NTRK2: variants seen among roughly 807,000 people sequenced by gnomAD.
The protein encoded by NTRK2 is neurotrophic receptor tyrosine kinase 2, also known as BDNF/NT-3 growth factors receptor.
In NTRK2, 13 loss-of-function variants were observed where a neutral mutation model predicts 94.5. The observed-to-expected ratio is 0.14, with a 90% CI of 0.09 to 0.22. The LOEUF (loss-of-function observed/expected upper bound fraction) is 0.22. NTRK2 is among the 10% of genes least tolerant of loss of function. The probability of loss-of-function intolerance (pLI) is 1.00; values close to 1 mark genes in which losing one functional copy is unlikely to be tolerated. For synonymous variants in NTRK2, 372 were observed against 407.4 expected (o/e 0.91, Z 1.05); for missense variants, 639 against 1,071.2 (o/e 0.60, Z 5.63).
intron 12 of NTRK2, chr9:84,812,247 A>G (rs2071889203): frequency 2.8e-6 from 3 of 1,056,530 alleles, no homozygotes; most frequent in African/African-American, 1.6e-5. Flanking sequence ...AATATTTTAT[A>G]CTGCATCCTT....
chr9:85,005,419 C>T (rs1459567927), intron 17 of NTRK2, among the ~76,000 whole-genome samples: 2 of 152,170 alleles, frequency 1.3e-5, no homozygotes, highest in Non-Finnish European at 2.9e-5. Flanking sequence ...CTTCGTTTCC[C>T]TACTTAGTAA....
rs533943099 is a variant in NTRK2 at position 84,786,870 on chromosome 9, T to C, written c.1396+34785T>C. 3.9e-5 allele frequency among the ~76,000 whole-genome samples: 6 copies of C among 152,144 alleles called. No individual in the cohort carries two copies. In the South Asian group the frequency reaches 8.3e-4, roughly 21 times the overall value. On this transcript the variant is annotated intron_variant, in intron 12 of 18. Coordinates refer to ENST00000277120, the MANE Select transcript of NTRK2 (RefSeq NM_006180.6). ...GTGATCCTGAAAAATATGTCGAAAATCCACTCTCGATTTTCATCTTTTTAA... is the reference window on the plus strand; with the variant it reads ...GTGATCCTGAAAAATATGTCGAAAACCCACTCTCGATTTTCATCTTTTTAA...
intron 9 of NTRK2, among the ~76,000 whole-genome samples, chr9:84,731,047 G>C (rs776491370): frequency 6.6e-6 from 1 of 152,134 alleles, no homozygotes; most frequent in Non-Finnish European, 1.5e-5. Context: ...AGGCAGCCTG[G>C]GCTCACTGTG....
intron 17 of NTRK2, among the ~76,000 whole-genome samples, chr9:85,013,089 T>C (rs938144277): frequency 1.1e-4 from 17 of 152,142 alleles, no homozygotes; most frequent in African/African-American, 3.9e-4. Context: ...GTTCCAGCAC[T>C]CCTCCTTACC....
At chr9:84,993,391 C>A (rs1416282506) in intron 17 of NTRK2, among the ~76,000 whole-genome samples, 2 of 152,204 alleles carry the variant, frequency 1.3e-5, no homozygotes, top group Non-Finnish European at 2.9e-5. Flanking sequence ...CACCAGCATG[C>A]CCTAGCCTAC....
At chr9:85,020,180 C>T (rs2117923325) in intron 17 of NTRK2, 26 bp from the exon 18 acceptor site, 7 of 1,613,702 alleles carry the variant, frequency 4.3e-6, no homozygotes, top group Non-Finnish European at 5.1e-6. Context: ...TGACTGATGC[C>T]TCCCTGTTGA....
intron 14 of NTRK2, among the ~76,000 whole-genome samples, chr9:84,920,895 T>A (rs2077544851): frequency 6.6e-6 from 1 of 152,234 alleles, no homozygotes; most frequent in Non-Finnish European, 1.5e-5. Context: ...AATTCCAGTA[T>A]AATTTAACAT....
At chr9:84,679,442 C>A (rs2059263327) in intron 2 of NTRK2, among the ~76,000 whole-genome samples, 1 of 152,138 alleles carries the variant, frequency 6.6e-6, no homozygotes, top group African/African-American at 2.4e-5. Context: ...TCAACTGAAC[C>A]TGGCTTGGTA....
intron 12 of NTRK2, chr9:84,812,987 C>T (rs1381681593): frequency 1.9e-6 from 2 of 1,034,918 alleles, no homozygotes; most frequent in African/African-American, 3.4e-5. Flanking sequence ...TGATCAGTAA[C>T]ATAGCTTCTC....
chr9:84,892,809 C>A (rs2076635180), intron 14 of NTRK2, among the ~76,000 whole-genome samples: 1 of 152,044 alleles, frequency 6.6e-6, no homozygotes, highest in African/African-American at 2.4e-5. Context: ...GTAATCCCAG[C>A]TACTCGGGAG....
At chr9:84,972,298 T>G (rs1297115266) in intron 17 of NTRK2, among the ~76,000 whole-genome samples, 2 of 152,200 alleles carry the variant, frequency 1.3e-5, no homozygotes, top group Non-Finnish European at 2.9e-5. Context: ...AGAGCTGTGA[T>G]GTATCAGGGC....
At chr9:84,920,818 T>C (rs1482474552) in intron 14 of NTRK2, among the ~76,000 whole-genome samples, 4 of 152,206 alleles carry the variant, frequency 2.6e-5, no homozygotes, top group African/African-American at 9.6e-5. Flanking sequence ...GCTGGAAGCA[T>C]TAGAATCTTT....
chr9:84,791,193 G>A (rs958384494), intron 12 of NTRK2, among the ~76,000 whole-genome samples: 1 of 152,126 alleles, frequency 6.6e-6, no homozygotes, highest in Non-Finnish European at 1.5e-5. Context: ...AGACATGAAA[G>A]GGGGCCTGTC....
At chr9:85,003,373 A>G (rs897375682) in intron 17 of NTRK2, among the ~76,000 whole-genome samples, 6 of 152,192 alleles carry the variant, frequency 3.9e-5, no homozygotes, top group African/African-American at 1.4e-4. Flanking sequence ...AGCAAACAAG[A>G]CCATGAAAGC....
At chr9:84,957,430 C>T (rs897164232) in intron 17 of NTRK2, among the ~76,000 whole-genome samples, 6 of 152,194 alleles carry the variant, frequency 3.9e-5, no homozygotes, top group South Asian at 2.1e-4. Context: ...TCACTCAATT[C>T]GAAAGTAGGA....
At chr9:84,955,156 T>G (rs1235386881) in intron 16 of NTRK2, 127 bp from the exon 17 acceptor site, 3 of 773,114 alleles carry the variant, frequency 3.9e-6, no homozygotes, top group African/African-American at 3.4e-5. Context: ...GGCAGCATCT[T>G]TTAGCACCAG....
intron 14 of NTRK2, among the ~76,000 whole-genome samples, chr9:84,905,617 T>C (rs980626031): frequency 6.6e-6 from 1 of 152,212 alleles, no homozygotes; most frequent in Non-Finnish European, 1.5e-5. Flanking sequence ...GTATACTGGC[T>C]AATGTCTACT....
intron 15 of NTRK2, among the ~76,000 whole-genome samples, chr9:84,934,630 C>T (rs2078152559): frequency 6.6e-6 from 1 of 152,050 alleles, no homozygotes. Context: ...ACATGTGTCT[C>T]CTCAAATTGT....
In NTRK2 at chr9:85,026,851, A is replaced by C; in HGVS notation, c.*5414A>C. 4.3e-6 allele frequency: 1 copy of C among 232,798 alleles called. No homozygotes were observed. Among genetic ancestry groups the C allele is most frequent in the East Asian group, 6.1e-5 (1 of 16,484 alleles). The allele number at this position is 232,798 out of a possible 1,614,324, so 14.4% of individuals were successfully genotyped here. A position where few individuals can be genotyped will look rare whatever the true frequency, so the allele number is the denominator to read the frequency against. On this transcript the variant is annotated 3_prime_UTR_variant, in exon 19 of 19. Coordinates refer to ENST00000277120, the MANE Select transcript of NTRK2 (RefSeq NM_006180.6). ...TAATACTTACCAGTTCTTGTTTTGC[A>C]ATCTGTTTTGAGGTCCATTGCTTTA...
Sources: allele counts gnomAD v4.1 joint callset (sites outside exome capture counted in the v4.1 genomes callset), GRCh38; gene constraint gnomAD v4.1.1; transcripts MANE v1.5; gene names NCBI Gene and HGNC (gene_info 2026-07-23, HGNC 2026-07-21).